TTC39B: variants seen among roughly 807,000 people sequenced by gnomAD.
TTC39B encodes tetratricopeptide repeat protein 39B.
A neutral mutation model predicts 96.6 loss-of-function variants in TTC39B; 92 were observed. The ratio of observed to expected loss-of-function variants is 0.95; its 90% CI spans 0.80 to 1.13. The LOEUF is 1.13. Among genes scored for constraint, TTC39B ranks in the 50% most tolerant of loss-of-function variants. The pLI, the probability that TTC39B is intolerant of heterozygous loss-of-function variation, is 0.00. For synonymous variants in TTC39B, 367 were observed against 299.4 expected, an observed-to-expected ratio of 1.23 and a Z score of -2.33; for missense variants, 955 against 809.3, an observed-to-expected ratio of 1.18 and a Z score of -2.18.
chr9:15,246,678 G>A (rs779852567), intron 2 of TTC39B, among the ~76,000 whole-genome samples: 3 of 152,206 alleles, frequency 2.0e-5, no homozygotes, highest in Non-Finnish European at 4.4e-5. Context: ...TATGCTGTGA[G>A]GAAGCTCAAG....
At chr9:15,233,322 A>ACCTCGC (rs200386747) in intron 2 of TTC39B, among the ~76,000 whole-genome samples, 2,229 of 151,334 alleles carry the variant, frequency 0.015, 47 homozygotes, top group African/African-American at 0.05. Context: ...GGAGAAGAAA[A>ACCTCGC]CCTCGCCCTC....
chr9:15,192,349 C>T (rs1174616804), intron 9 of TTC39B, among the ~76,000 whole-genome samples: 2 of 152,104 alleles, frequency 1.3e-5, no homozygotes, highest in Non-Finnish European at 2.9e-5. Context: ...TACCAAAAAC[C>T]TTACTAGTCT....
intron 1 of TTC39B, among the ~76,000 whole-genome samples, chr9:15,288,647 G>A (rs561566436): frequency 7.2e-5 from 11 of 152,152 alleles, no homozygotes; most frequent in Non-Finnish European, 1.6e-4. Flanking sequence ...CTGGACACTG[G>A]ACAAGGGCCT....
chr9:15,179,224 C>G (rs1818118643), intron 17 of TTC39B, among the ~76,000 whole-genome samples: 1 of 152,138 alleles, frequency 6.6e-6, no homozygotes, highest in African/African-American at 2.4e-5. Flanking sequence ...CAACGTTATT[C>G]CAAGACAGAA....
At chr9:15,200,065 C>T (rs1287716690) in intron 7 of TTC39B, 140 bp from the exon 8 acceptor site, 3 of 504,736 alleles carry the variant, frequency 5.9e-6, no homozygotes, top group Non-Finnish European at 1.1e-5. Context: ...TTGAAATTAA[C>T]ACATACTCTT....
intron 8 of TTC39B, among the ~76,000 whole-genome samples, chr9:15,196,096 TGA>T (rs1359237830): frequency 6.6e-6 from 1 of 152,226 alleles, no homozygotes; most frequent in Non-Finnish European, 1.5e-5. Flanking sequence ...AGCCTACTGT[TGA>T]GATCCACTGC....
intron 1 of TTC39B, among the ~76,000 whole-genome samples, chr9:15,287,218 A>G (rs1473605791): frequency 1.3e-5 from 2 of 152,238 alleles, no homozygotes; most frequent in South Asian, 2.1e-4. Flanking sequence ...CAGTATTTGT[A>G]TGACAATAAT....
chr9:15,279,879 CT>C (rs922286048), intron 1 of TTC39B, among the ~76,000 whole-genome samples: 26 of 145,140 alleles, frequency 1.8e-4, no homozygotes, highest in African/African-American at 6.6e-4. Flanking sequence ...AAATAAAGTA[CT>C]TTTTTTCTTT....
chr9:15,166,023 A>G (rs1205212485), exon 20 of TTC39B: 2 of 152,232 alleles, frequency 1.3e-5, no homozygotes, highest in East Asian at 3.8e-4. Flanking sequence ...CAGACTACCA[A>G]TAATTAAAAC....
intron 2 of TTC39B, among the ~76,000 whole-genome samples, chr9:15,261,255 G>A (rs1235643645): frequency 6.6e-6 from 1 of 152,052 alleles, no homozygotes; most frequent in East Asian, 1.9e-4. Context: ...AAGGTGGGAG[G>A]ATCACTTGAG....
intron 5 of TTC39B, 138 bp from the exon 6 acceptor site, chr9:15,210,302 G>C: frequency 6.6e-6 from 4 of 604,038 alleles, no homozygotes; most frequent in Non-Finnish European, 8.8e-6. Flanking sequence ...GAAGTCTATA[G>C]GACACAGATC....
chr9:15,242,205 G>A (rs1295992290), intron 2 of TTC39B, among the ~76,000 whole-genome samples: 2 of 152,148 alleles, frequency 1.3e-5, no homozygotes, highest in South Asian at 2.1e-4. Context: ...AGCAAATGAA[G>A]GATAACATCA....
intron 1 of TTC39B, among the ~76,000 whole-genome samples, chr9:15,293,859 C>A (rs1023142392): frequency 2.0e-5 from 3 of 152,166 alleles, no homozygotes; most frequent in Non-Finnish European, 4.4e-5. Flanking sequence ...ACGGTTGGAA[C>A]CGTGTTCAAA....
chr9:15,219,419 C>G, intron 3 of TTC39B, among the ~76,000 whole-genome samples: 1 of 152,162 alleles, frequency 6.6e-6, no homozygotes, highest in East Asian at 1.9e-4. Context: ...TGACCTTCTA[C>G]TATTAATATA....
At chr9:15,212,624 TC>T (rs1211014458) in intron 4 of TTC39B, among the ~76,000 whole-genome samples, 6 of 152,012 alleles carry the variant, frequency 3.9e-5, no homozygotes, top group African/African-American at 1.5e-4. Context: ...ACAGGGTTTC[TC>T]CCTGTTGGTC....
chr9:15,216,898 C>T (rs1820548136), intron 3 of TTC39B, among the ~76,000 whole-genome samples: 1 of 152,158 alleles, frequency 6.6e-6, no homozygotes, highest in Admixed American at 6.5e-5. Flanking sequence ...AGGGTCATCC[C>T]TGATTGGGAT....
At chr9:15,258,997 C>A (rs538782713) in intron 2 of TTC39B, among the ~76,000 whole-genome samples, 6 of 152,226 alleles carry the variant, frequency 3.9e-5, no homozygotes, top group Admixed American at 1.3e-4. Context: ...CTAAACACAA[C>A]AGCAGACCAT....
At chr9:15,269,283 C>T (rs1823247999) in intron 1 of TTC39B, among the ~76,000 whole-genome samples, 1 of 152,228 alleles carries the variant, frequency 6.6e-6, no homozygotes, top group South Asian at 2.1e-4. Context: ...CACCCTCTGT[C>T]TCCATCAGAG....
chr9:15,207,662 A>G (rs1054950259), intron 6 of TTC39B, among the ~76,000 whole-genome samples: 1 of 152,142 alleles, frequency 6.6e-6, no homozygotes, highest in African/African-American at 2.4e-5. Context: ...CAAGGACAGT[A>G]TATAGCACAT....
Sources: gnomAD v4.1 joint callset for allele counts (sites outside exome capture counted in the v4.1 genomes callset) on GRCh38, gnomAD v4.1.1 for gene constraint, MANE v1.5 for transcripts, NCBI Gene and HGNC (gene_info 2026-07-23, HGNC 2026-07-21) for gene names.